The following TRIM44 variants were observed in gnomAD, a reference collection of about 807,000 sequenced individuals.
The protein encoded by TRIM44 is tripartite motif-containing protein 44.
In TRIM44, 13 loss-of-function variants were observed where a neutral mutation model predicts 37.4. That is an observed-to-expected ratio of 0.35 (90% CI 0.23 to 0.55). The LOEUF is 0.55. Among genes scored for constraint, TRIM44 ranks in the 20% least tolerant of loss-of-function variants. The pLI, the probability that TRIM44 is intolerant of heterozygous loss-of-function variation, is 0.89. For missense variants in TRIM44, 426 were observed against 437.2 expected, an observed-to-expected ratio of 0.97 and a Z score of 0.23; for synonymous variants, 175 against 157.2, an observed-to-expected ratio of 1.11 and a Z score of -0.85.
chr11:35,762,260 A>G (rs1852740561), intron 4 of TRIM44, among the ~76,000 whole-genome samples: 1 of 152,144 alleles, frequency 6.6e-6, no homozygotes, highest in Admixed American at 6.5e-5. Context: ...TTTTAAAACA[A>G]TCTTTCTAGA....
intron 2 of TRIM44, among the ~76,000 whole-genome samples, chr11:35,701,117 C>T (rs1232274330): frequency 1.3e-5 from 2 of 152,062 alleles, no homozygotes; most frequent in Non-Finnish European, 2.9e-5. Flanking sequence ...TAAGCAGGCA[C>T]AGCTGGAAGG....
intron 2 of TRIM44, among the ~76,000 whole-genome samples, chr11:35,701,706 C>T (rs1377365478): frequency 6.6e-6 from 1 of 152,178 alleles, no homozygotes; most frequent in African/African-American, 2.4e-5. Flanking sequence ...AGGTACCCCT[C>T]TTTATGACAA....
chr11:35,699,178 G>C (rs529902103), intron 2 of TRIM44, among the ~76,000 whole-genome samples: 31 of 151,332 alleles, frequency 2.0e-4, no homozygotes, highest in Non-Finnish European at 4.0e-4. Flanking sequence ...TGCTGTTTTG[G>C]TTACTGTAGC....
chr11:35,801,157 G>C (rs781160998), intron 4 of TRIM44, among the ~76,000 whole-genome samples: 2 of 152,194 alleles, frequency 1.3e-5, no homozygotes, highest in African/African-American at 2.4e-5. Context: ...CAGCAGTGCT[G>C]ATCGCATATT....
At chr11:35,775,984 T>C (rs1006069430) in intron 4 of TRIM44, among the ~76,000 whole-genome samples, 3 of 152,220 alleles carry the variant, frequency 2.0e-5, no homozygotes, top group African/African-American at 7.2e-5. Context: ...GCTGGCCTCA[T>C]AAAATGAGTT....
At chr11:35,663,868 T>C (rs1268657172) in intron 1 of TRIM44, 88 bp downstream of exon 1, 1 of 1,448,776 alleles carries the variant, frequency 6.9e-7, no homozygotes, top group African/African-American at 1.4e-5. Flanking sequence ...ACATTCGCTT[T>C]CACTGTGTCC....
intron 4 of TRIM44, among the ~76,000 whole-genome samples, chr11:35,782,798 A>C (rs1853082532): frequency 6.6e-6 from 1 of 152,090 alleles, no homozygotes; most frequent in South Asian, 2.1e-4. Flanking sequence ...CAAATACTTA[A>C]CTCTTCTCCG....
chr11:35,740,873 G>A (rs1852388703), intron 4 of TRIM44, among the ~76,000 whole-genome samples: 1 of 151,936 alleles, frequency 6.6e-6, no homozygotes, highest in Non-Finnish European at 1.5e-5. Context: ...TAATTTGGTG[G>A]GTTTTTTTTC....
In TRIM44 at chr11:35,810,849, CCTT is replaced by C. The variant is rs1853520062; in HGVS notation, c.*4465_*4467del. ...TTTCCTGTGCACAGTCACATTCCCT[CCTT>C]AGGAATCTTCCCCTTCCACCCTTTA... On this transcript the variant is annotated 3_prime_UTR_variant, in exon 5 of 5. Transcript: ENST00000299413. 1 of 152,194 alleles carries C rather than the reference CCTT, an allele frequency of 6.6e-6. No individual in the cohort carries two copies. The highest frequency in any genetic ancestry group is 2.4e-5 in the African/African-American group (1 of 41,456). 9.4% of individuals were successfully genotyped at this position (152,194 alleles called of 1,614,324 possible). A position where few individuals can be genotyped will look rare whatever the true frequency, so the allele number is the denominator to read the frequency against.
In TRIM44 at chr11:35,773,367, A is replaced by G. The variant is rs148178654; in HGVS notation, c.1008-32991A>G. ...GCTTGTTGAATTGTTCAAGTTTGTT[A>G]TCGATTCCAGATGTTAGACCTTTGT... is the stretch of plus-strand genomic sequence containing the variant. On this transcript the variant is annotated intron_variant, in intron 4 of 4. Transcript: ENST00000299413. 2.6e-5 allele frequency among the ~76,000 whole-genome samples: 4 copies of G among 151,940 alleles called. No individual in the cohort carries two copies. In the East Asian group the frequency reaches 7.7e-4, roughly 29 times the overall value.
At chr11:35,728,674 T>C (rs1319044763) in intron 3 of TRIM44, among the ~76,000 whole-genome samples, 1 of 152,220 alleles carries the variant, frequency 6.6e-6, no homozygotes, top group Non-Finnish European at 1.5e-5. Context: ...TTTTGTGGTA[T>C]AGAATTTATC....
At chr11:35,800,972 A>G (rs1853360640) in intron 4 of TRIM44, among the ~76,000 whole-genome samples, 1 of 152,146 alleles carries the variant, frequency 6.6e-6, no homozygotes, top group Admixed American at 6.5e-5. Context: ...CCCAAAATAG[A>G]CCAAGGACAT....
chr11:35,741,842 G>C (rs1852400913), intron 4 of TRIM44, among the ~76,000 whole-genome samples: 1 of 152,132 alleles, frequency 6.6e-6, no homozygotes, highest in South Asian at 2.1e-4. Context: ...TAGGGATATG[G>C]ATATAACTAA....
intron 4 of TRIM44, among the ~76,000 whole-genome samples, chr11:35,750,990 T>A (rs906375071): frequency 6.6e-6 from 1 of 151,674 alleles, no homozygotes; most frequent in Non-Finnish European, 1.5e-5. Context: ...TCACCATAAA[T>A]AAGTTTTATG....
At position 35,808,218 on chromosome 11, in the gene TRIM44, A is replaced by AAAAAAG. The variant is rs1276101007; in HGVS notation, c.*1838_*1839insGAAAAA. ...GGAGTTTGAGGTGTTAAAAAAAAAAAAAAAAAAGCATTTTTCTCTCAAACT... is the reference window on the plus strand; with the variant it reads ...GGAGTTTGAGGTGTTAAAAAAAAAAAAAAAAGAAAAAAAGCATTTTTCTCTCAAACT... On this transcript the variant is annotated 3_prime_UTR_variant, in exon 5 of 5. Transcript: ENST00000299413. 6.6e-6 allele frequency: 1 copy of AAAAAAG among 151,254 alleles called. No homozygotes were observed. The highest frequency in any genetic ancestry group is 1.9e-4 in the East Asian group (1 of 5,178). The allele number at this position is 151,254 out of a possible 1,614,324, so 9.4% of individuals were successfully genotyped here.
rs762288303 is a variant in TRIM44, at chr11:35,726,289, A to C, written c.987+126A>C. 5.3e-4 allele frequency: 678 copies of C among 1,270,552 alleles called. 2 individuals carry two copies. The highest frequency in any genetic ancestry group is 6.7e-4 in the Non-Finnish European group (628 of 930,418). 78.7% of individuals were successfully genotyped at this position (1,270,552 alleles called of 1,614,324 possible). On this transcript the variant is annotated intron_variant, in intron 3 of 4. Transcript: ENST00000299413. Reference sequence around the variant, plus strand: ...AGTCTAGGTAGAGTATAAGTGTTTCACATGGTGTATAAACCAGTATGGAAG... The same window carrying C: ...AGTCTAGGTAGAGTATAAGTGTTTCCCATGGTGTATAAACCAGTATGGAAG...
In TRIM44 at chr11:35,782,219, A is replaced by G. The variant is rs370275700; in HGVS notation, c.1008-24139A>G. On this transcript the variant is annotated intron_variant, in intron 4 of 4. Coordinates refer to ENST00000299413, the MANE Select transcript of TRIM44 (RefSeq NM_017583.6). ...GGGGGAATCCTAATCCAGCTGGGGT[A>G]GGATCTTGGAAAACTTCCTAGAGGA... 2.8e-4 allele frequency among the ~76,000 whole-genome samples: 43 copies of G among 152,344 alleles called. 1 individual carries two copies. The South Asian group carries it at 4.6e-3, about 16-fold the overall frequency.
chr11:35,741,769 A>C (rs1284547643), intron 4 of TRIM44, among the ~76,000 whole-genome samples: 1 of 152,214 alleles, frequency 6.6e-6, no homozygotes, highest in Non-Finnish European at 1.5e-5. Flanking sequence ...CAAAGATTGC[A>C]GAGGAATTCT....
intron 4 of TRIM44, among the ~76,000 whole-genome samples, chr11:35,783,279 TG>T (rs1173135529): frequency 6.6e-6 from 1 of 152,188 alleles, no homozygotes; most frequent in Non-Finnish European, 1.5e-5. Context: ...ATGCTCTTCT[TG>T]CCTCACCTCC....
Sources: gnomAD v4.1 joint callset for allele counts (sites outside exome capture counted in the v4.1 genomes callset) on GRCh38, gnomAD v4.1.1 for gene constraint, MANE v1.5 for transcripts, NCBI Gene and HGNC (gene_info 2026-07-23, HGNC 2026-07-21) for gene names.